Variants in KCND3 observed in about 807,000 individuals in gnomAD.
KCND3 encodes the protein potassium voltage-gated channel subfamily D member 3, also known as A-type voltage-gated potassium channel KCND3.
In KCND3, 9 loss-of-function variants were observed where a neutral mutation model predicts 51.1. The ratio of observed to expected loss-of-function variants is 0.18; its 90% CI spans 0.11 to 0.31. The LOEUF (loss-of-function observed/expected upper bound fraction) is 0.31. KCND3 is among the 10% of genes least tolerant of loss of function. The pLI is 1.00. For missense variants in KCND3, 526 were observed against 903.8 expected (o/e 0.58, Z 5.36); for synonymous variants, 349 against 368.0 (o/e 0.95, Z 0.59).
intron 2 of KCND3, among the ~76,000 whole-genome samples, chr1:111,956,329 G>A (rs555145866): frequency 3.7e-4 from 56 of 152,290 alleles, no homozygotes; most frequent in Non-Finnish European, 5.7e-4. Context: ...CAGTGCTCCC[G>A]CCAGTCGCCT....
intron 1 of KCND3, among the ~76,000 whole-genome samples, chr1:111,984,274 C>A (rs1190578484): frequency 6.6e-6 from 1 of 152,160 alleles, no homozygotes; most frequent in Non-Finnish European, 1.5e-5. Flanking sequence ...CAGATCTCTA[C>A]CTCCCTCAAA....
At chr1:111,826,693 T>G (rs1293920992) in intron 2 of KCND3, among the ~76,000 whole-genome samples, 1 of 152,232 alleles carries the variant, frequency 6.6e-6, no homozygotes, top group African/African-American at 2.4e-5. Context: ...ATTCAGGGTT[T>G]CAATAGGACA....
chr1:111,860,615 C>A (rs943954502), intron 2 of KCND3, among the ~76,000 whole-genome samples: 3 of 152,214 alleles, frequency 2.0e-5, no homozygotes, highest in South Asian at 2.1e-4. Flanking sequence ...TCAGCCCTAT[C>A]TATCCTTGAG....
chr1:111,893,362 TG>T (rs1422704390), intron 2 of KCND3, among the ~76,000 whole-genome samples: 1 of 151,802 alleles, frequency 6.6e-6, no homozygotes, highest in African/African-American at 2.4e-5. Context: ...GGAACCAGGG[TG>T]GGGGCAGGGA....
At chr1:111,964,248 G>C (rs537160464) in intron 2 of KCND3, among the ~76,000 whole-genome samples, 1 of 152,188 alleles carries the variant, frequency 6.6e-6, no homozygotes, top group South Asian at 2.1e-4. Context: ...GGTCAAAGCA[G>C]ATTTTTCACT....
chr1:111,858,548 A>C (rs992652302), intron 2 of KCND3, among the ~76,000 whole-genome samples: 2 of 152,158 alleles, frequency 1.3e-5, no homozygotes, highest in African/African-American at 2.4e-5. Context: ...CATTATTATC[A>C]TGTTGATTTT....
At chr1:111,950,383 G>C (rs550827284) in intron 2 of KCND3, among the ~76,000 whole-genome samples, 66 of 152,246 alleles carry the variant, frequency 4.3e-4, no homozygotes, top group African/African-American at 1.6e-3. Flanking sequence ...CTGTCCTTGT[G>C]GTAGCACTTT....
chr1:111,812,237 T>C (rs374040909), intron 2 of KCND3, among the ~76,000 whole-genome samples: 89 of 152,282 alleles, frequency 5.8e-4, no homozygotes, highest in African/African-American at 2.1e-3. Flanking sequence ...CACTGGTGGG[T>C]CTGGAGGAGC....
chr1:111,856,409 G>A (rs1668073457), intron 2 of KCND3, among the ~76,000 whole-genome samples: 1 of 152,226 alleles, frequency 6.6e-6, no homozygotes, highest in African/African-American at 2.4e-5. Context: ...GATAACATGA[G>A]TGGAAGCTCT....
intron 2 of KCND3, among the ~76,000 whole-genome samples, chr1:111,795,603 TGGA>T (rs1665020975): frequency 6.6e-6 from 1 of 152,196 alleles, no homozygotes; most frequent in Non-Finnish European, 1.5e-5. Flanking sequence ...GCTTTCTCGC[TGGA>T]GGAGGAGAGG....
At chr1:111,976,195 T>A (rs1040609353) in intron 2 of KCND3, among the ~76,000 whole-genome samples, 6 of 152,164 alleles carry the variant, frequency 3.9e-5, no homozygotes, top group African/African-American at 1.4e-4. Flanking sequence ...GAGAAAAACA[T>A]CATGGGTAGA....
chr1:111,899,255 C>A (rs1286953192), intron 2 of KCND3, among the ~76,000 whole-genome samples: 2 of 152,198 alleles, frequency 1.3e-5, no homozygotes, highest in Non-Finnish European at 2.9e-5. Context: ...ACACTGATCC[C>A]CCAGGGGCTT....
At chr1:111,889,023 T>C (rs970263075) in intron 2 of KCND3, among the ~76,000 whole-genome samples, 1 of 152,028 alleles carries the variant, frequency 6.6e-6, no homozygotes, top group Non-Finnish European at 1.5e-5. Flanking sequence ...GGGGCAGGGG[T>C]TGGTTCATCA....
intron 2 of KCND3, among the ~76,000 whole-genome samples, chr1:111,954,140 A>G (rs1673200852): frequency 6.6e-6 from 1 of 151,986 alleles, no homozygotes; most frequent in African/African-American, 2.4e-5. Context: ...AGTTCTAGTA[A>G]CTTCTCCTTC....
intron 2 of KCND3, among the ~76,000 whole-genome samples, chr1:111,799,380 T>C (rs913205145): frequency 1.3e-5 from 2 of 152,160 alleles, no homozygotes; most frequent in African/African-American, 4.8e-5. Flanking sequence ...CAGAACACTA[T>C]CAGGAATCAC....
chr1:111,801,615 C>T (rs1665315341), intron 2 of KCND3, among the ~76,000 whole-genome samples: 2 of 152,196 alleles, frequency 1.3e-5, no homozygotes, highest in African/African-American at 4.8e-5. Context: ...CAGTGCTTAG[C>T]GGTTTGGCCA....
chr1:111,934,301 T>G (rs1197351110), intron 2 of KCND3, among the ~76,000 whole-genome samples: 1 of 152,166 alleles, frequency 6.6e-6, no homozygotes, highest in African/African-American at 2.4e-5. Flanking sequence ...TCTGGCCTCA[T>G]GACAAGACAT....
intron 2 of KCND3, among the ~76,000 whole-genome samples, chr1:111,864,550 T>C (rs1340678019): frequency 6.6e-6 from 1 of 152,252 alleles, no homozygotes; most frequent in East Asian, 1.9e-4. Flanking sequence ...AAACAAAGGA[T>C]GTCCTTGCAT....
intron 2 of KCND3, among the ~76,000 whole-genome samples, chr1:111,937,324 G>A (rs968383465): frequency 8.5e-5 from 13 of 152,208 alleles, no homozygotes; most frequent in South Asian, 4.2e-4. Context: ...GCCACCCCAG[G>A]CAACCCCTCC....
Sources: allele counts gnomAD v4.1 joint callset (sites outside exome capture counted in the v4.1 genomes callset), GRCh38; gene constraint gnomAD v4.1.1; transcripts MANE v1.5; gene names NCBI Gene and HGNC (gene_info 2026-07-23, HGNC 2026-07-21).